The following ZNF469 variants were observed in gnomAD, a reference collection of about 807,000 sequenced individuals.
ZNF469 encodes the protein zinc finger protein 469.
Under a neutral mutation model 1.0 loss-of-function variants are expected in ZNF469, and 1 was observed. The observed-to-expected ratio is 1.00, with a 90% CI of 0.35 to 4.73. The LOEUF is 4.73. ZNF469 is among the 30% of genes most tolerant of loss of function. The pLI, the probability that ZNF469 is intolerant of heterozygous loss-of-function variation, is 0.16. For synonymous variants in ZNF469, 2,703 were observed against 2,363.4 expected (o/e 1.14, Z -4.17); for missense variants, 6,100 against 5,356.3 (o/e 1.14, Z -4.33).
the ZNF469 span, among the ~76,000 whole-genome samples, chr16:88,296,992 G>T: frequency 1.3e-5 from 2 of 152,240 alleles, no homozygotes; most frequent in African/African-American, 2.4e-5. Context: ...ACTGAGCAAT[G>T]CGTTCAAACT....
chr16:88,398,350 G>A (rs1037325883), intron 1 of ZNF469, among the ~76,000 whole-genome samples: 29 of 151,690 alleles, frequency 1.9e-4, no homozygotes, highest in African/African-American at 6.8e-4. Flanking sequence ...GAAGGGACAC[G>A]TGAGCCACGG....
intron 1 of ZNF469, among the ~76,000 whole-genome samples, chr16:88,403,132 G>C: frequency 6.6e-6 from 1 of 152,200 alleles, no homozygotes; most frequent in East Asian, 1.9e-4. Context: ...AACCTTGGGT[G>C]GAGGCCGAGT....
At chr16:88,149,125 C>G in the ZNF469 span, among the ~76,000 whole-genome samples, 1 of 146,954 alleles carries the variant, frequency 6.8e-6, no homozygotes, top group East Asian at 2.1e-4. Flanking sequence ...AGAAGCTGAG[C>G]TCACAGTCTT....
the ZNF469 span, among the ~76,000 whole-genome samples, chr16:88,229,638 T>TGGATGTAACGC: frequency 7.5e-6 from 1 of 133,072 alleles, no homozygotes. Flanking sequence ...GGATGTCACG[T>TGGATGTAACGC]GTGTGTGCTG....
At chr16:88,258,681 G>T in the ZNF469 span, among the ~76,000 whole-genome samples, 1 of 152,208 alleles carries the variant, frequency 6.6e-6, no homozygotes, top group Non-Finnish European at 1.5e-5. Context: ...GGGTGACGAT[G>T]ATGGTGGTGG....
At chr16:88,244,545 GTGCATGGCTGGATGGGTGGATGGA>G in the ZNF469 span, among the ~76,000 whole-genome samples, 1 of 149,994 alleles carries the variant, frequency 6.7e-6, no homozygotes, top group East Asian at 2.0e-4. Context: ...GGATGGGCAG[GTGCATGGCTGGATGGGTGGATGGA>G]TGCATGGATG....
At position 88,429,309 on chromosome 16, in the gene ZNF469, C is replaced by A; in HGVS notation, c.1839C>A (p.Ser613Arg). Residue 613 changes from serine (S) to arginine (R), a missense_variant, in exon 3 of 3, where the codon AGC becomes AGA. Ser to Arg is a moderately radical substitution (Grantham distance 110, BLOSUM62 -1). Transcript: ENST00000565624. ...GCTCTTCCCTGTCGCCGATGTCCAG[C>A]AGCCCAGCCAACCCCAGCTCAGAGG... ...STCSSLSPMS[S>R]SPANPSSEES... 6.5e-7 allele frequency: 1 copy of A among 1,549,968 alleles called. No individual in the cohort carries two copies. Among genetic ancestry groups the A allele is most frequent in the Non-Finnish European group, 8.7e-7 (1 of 1,146,856 alleles).
chr16:88,331,052 C>CACCATCACA, the ZNF469 span, among the ~76,000 whole-genome samples: 1 of 147,098 alleles, frequency 6.8e-6, no homozygotes, highest in African/African-American at 2.5e-5. Flanking sequence ...TCACCATCAT[C>CACCATCACA]ACCATCACAA....
the ZNF469 span, among the ~76,000 whole-genome samples, chr16:88,205,081 C>G: frequency 6.6e-6 from 1 of 152,168 alleles, no homozygotes; most frequent in East Asian, 1.9e-4. This position sits in a 1 kb window ranked among gnomAD's most constrained non-coding sequence, Gnocchi z 4.2. Flanking sequence ...CTGTGAGGTG[C>G]CCCTACCAGC....
the ZNF469 span, among the ~76,000 whole-genome samples, chr16:88,213,836 C>G: frequency 6.6e-6 from 1 of 152,220 alleles, no homozygotes; most frequent in South Asian, 2.1e-4. Flanking sequence ...TCCACCCCTT[C>G]CCTTTGCTCC....
chr16:88,136,614 C>T, the ZNF469 span, among the ~76,000 whole-genome samples: 2 of 152,242 alleles, frequency 1.3e-5, no homozygotes, highest in Non-Finnish European at 2.9e-5. Flanking sequence ...CCCGTGGGGG[C>T]CCGTTGACAT....
the ZNF469 span, among the ~76,000 whole-genome samples, chr16:88,205,183 A>C: frequency 6.6e-6 from 1 of 152,172 alleles, no homozygotes; most frequent in Non-Finnish European, 1.5e-5. The surrounding 1 kb of genome is among the most constrained non-coding windows in gnomAD (Gnocchi z 4.2). Context: ...ATTTTAGGAA[A>C]GTAAATGGAG....
At chr16:88,164,076 G>C in the ZNF469 span, among the ~76,000 whole-genome samples, 1 of 151,158 alleles carries the variant, frequency 6.6e-6, no homozygotes, top group Non-Finnish European at 1.5e-5. Flanking sequence ...TGGATGGGTT[G>C]GTGGGTGGGT....
chr16:88,229,923 G>C, the ZNF469 span, among the ~76,000 whole-genome samples: 1 of 152,136 alleles, frequency 6.6e-6, no homozygotes, highest in South Asian at 2.1e-4. Context: ...TGGCTCTCCC[G>C]GGGGCGCGCT....
chr16:88,109,007 C>G, the ZNF469 span, among the ~76,000 whole-genome samples: 1 of 152,202 alleles, frequency 6.6e-6, no homozygotes, highest in Non-Finnish European at 1.5e-5. Context: ...CCAAGATAAT[C>G]AATGACTGTT....
At chr16:88,245,150 G>A in the ZNF469 span, among the ~76,000 whole-genome samples, 1 of 152,194 alleles carries the variant, frequency 6.6e-6, no homozygotes, top group African/African-American at 2.4e-5. Context: ...GAAAGAAGGG[G>A]TGTGTTCTGA....
the ZNF469 span, among the ~76,000 whole-genome samples, chr16:88,189,916 C>T: frequency 2.6e-3 from 401 of 152,142 alleles, 3 homozygotes; most frequent in African/African-American, 9.4e-3. This position sits in a 1 kb window ranked among gnomAD's most constrained non-coding sequence, Gnocchi z 4.3. Flanking sequence ...GGGACTGTGT[C>T]GGAAAGAAAA....
the ZNF469 span, among the ~76,000 whole-genome samples, chr16:88,218,702 T>C: frequency 4.6e-5 from 7 of 151,530 alleles, no homozygotes; most frequent in Non-Finnish European, 1.0e-4. Context: ...CTTTGAAAAC[T>C]GGCACAAGAC....
chr16:88,386,250 C>T (rs1028629842), intron 1 of ZNF469, among the ~76,000 whole-genome samples: 17 of 152,212 alleles, frequency 1.1e-4, no homozygotes, highest in South Asian at 4.2e-4. Context: ...TCACTGTGGG[C>T]GGTGGCCATG....
Sources: allele counts gnomAD v4.1 joint callset (sites outside exome capture counted in the v4.1 genomes callset), GRCh38; gene constraint gnomAD v4.1.1; non-coding constraint Gnocchi (gnomAD v3.1); transcripts MANE v1.5; gene names NCBI Gene and HGNC (gene_info 2026-07-23, HGNC 2026-07-21).